Variants in TVP23C observed in about 807,000 individuals in gnomAD.
TVP23C encodes the protein trans-golgi network vesicle protein 23 homolog C, also known as Golgi apparatus membrane protein TVP23 homolog C.
In TVP23C, 19 loss-of-function variants were observed where a neutral mutation model predicts 28.7. The observed-to-expected ratio is 0.66, with a 90% CI of 0.46 to 0.97. The LOEUF (loss-of-function observed/expected upper bound fraction) is 0.97, where lower values mean the gene tolerates loss of function less well. Among genes scored for constraint, TVP23C ranks in the 50% least tolerant of loss-of-function variants. The pLI, the probability that TVP23C is intolerant of heterozygous loss-of-function variation, is 0.00. For missense variants in TVP23C, 186 were observed against 241.3 expected (o/e 0.77, Z 1.52); for synonymous variants, 68 against 81.7 (o/e 0.83, Z 0.90).
At chr17:15,519,765 G>A (rs1597511215) in intron 5 of TVP23C, among the ~76,000 whole-genome samples, 1 of 152,118 alleles carries the variant, frequency 6.6e-6, no homozygotes, top group Admixed American at 6.5e-5. Context: ...AGCTGGGCGT[G>A]GTGGCAGGCA....
chr17:15,524,730 G>GT (rs1437788262), intron 5 of TVP23C, among the ~76,000 whole-genome samples: 1 of 151,958 alleles, frequency 6.6e-6, no homozygotes, highest in Non-Finnish European at 1.5e-5. Flanking sequence ...GTGGCTATAG[G>GT]TGCTCACAGA....
At chr17:15,528,260 G>A (rs1982808501) in intron 5 of TVP23C, among the ~76,000 whole-genome samples, 1 of 152,156 alleles carries the variant, frequency 6.6e-6, no homozygotes, top group African/African-American at 2.4e-5. Context: ...TATAAACACT[G>A]TTATATATGC....
At chr17:15,528,378 T>G (rs569039236) in intron 5 of TVP23C, among the ~76,000 whole-genome samples, 100 of 152,042 alleles carry the variant, frequency 6.6e-4, no homozygotes, top group African/African-American at 2.3e-3. Flanking sequence ...AGCAGTATGT[T>G]GTTTAATTTT....
chr17:15,517,895 G>A (rs1469036314), intron 5 of TVP23C, among the ~76,000 whole-genome samples: 1 of 152,258 alleles, frequency 6.6e-6, no homozygotes, highest in Admixed American at 6.5e-5. Context: ...AGCCAGATGC[G>A]GTGGCTCACA....
chr17:15,543,751 C>T (rs1983524133), intron 5 of TVP23C, among the ~76,000 whole-genome samples: 1 of 151,350 alleles, frequency 6.6e-6, no homozygotes, highest in Non-Finnish European at 1.5e-5. Context: ...TGTTTACTGT[C>T]CCCTAACTTG....
Position 15,555,264 on chromosome 17 carries a change from T to C in TVP23C, c.95+18A>G, listed in dbSNP as rs766429428. 2 of 1,614,004 alleles carry C rather than the reference T, an allele frequency of 1.2e-6. No individual in the cohort carries two copies. The highest frequency in any genetic ancestry group is 2.2e-5 in the South Asian group (2 of 91,078). Reference sequence around the variant, plus strand: ...CAACACTGGACACTAACACAGCTCATGCAACTTCTCCTCCTACCTGATTTT... The same window carrying C: ...CAACACTGGACACTAACACAGCTCACGCAACTTCTCCTCCTACCTGATTTT... On this transcript the variant is annotated intron_variant, in intron 2 of 5. Transcript: ENST00000518321.
rs986368060 is a variant in TVP23C, at chr17:15,555,219, G to C, written c.95+63C>G. The C allele has an allele frequency of 3.1e-6, 5 of 1,607,298 alleles. No individual in the cohort carries two copies. In the Admixed American group the frequency reaches 5.0e-5, roughly 16 times the overall value. On this transcript the variant is annotated intron_variant, in intron 2 of 5. Transcript: ENST00000518321. ...ACTCTGCCTTGACTCCCATCAGCTA[G>C]CACTGACATACATACAGAACAACAC...
chr17:15,527,840 G>T lies in TVP23C; in HGVS notation c.462+17945C>A, dbSNP rs940822505. Among the ~76,000 whole-genome samples, 3 of 152,302 alleles carry T rather than the reference G, an allele frequency of 2.0e-5. No individual in the cohort carries two copies. In the East Asian group the frequency reaches 5.8e-4, roughly 29 times the overall value. On this transcript the variant is annotated intron_variant, in intron 5 of 5. Coordinates refer to the TVP23C transcript ENST00000225576. ...ATGTCACGAGGATGAAACAATTCGT[G>T]GAAAGCACTTTTTGGAGAAAAAACA...
intron 5 of TVP23C, chr17:15,506,840 G>C: frequency 1.6e-6 from 1 of 622,214 alleles, no homozygotes; most frequent in Admixed American, 2.0e-5. Flanking sequence ...GTGAGACCAA[G>C]AACCCACTAG....
chr17:15,548,242 C>T (rs953157540), intron 3 of TVP23C, among the ~76,000 whole-genome samples: 4 of 152,202 alleles, frequency 2.6e-5, no homozygotes, highest in African/African-American at 9.7e-5. Context: ...TCTCAGCTCA[C>T]CACAACCTCT....
At position 15,560,191 on chromosome 17, in the gene TVP23C, G is replaced by A. The variant is rs1440764766; in HGVS notation, c.12+3246C>T. Among the ~76,000 whole-genome samples the A allele has an allele frequency of 6.7e-5, 10 of 149,324 alleles. 1 individual carries two copies. Among genetic ancestry groups the A allele is most frequent in the Admixed American group, 1.4e-4 (2 of 14,802 alleles). On this transcript the variant is annotated intron_variant, in intron 1 of 5. Coordinates refer to ENST00000518321, the MANE Select transcript of TVP23C (RefSeq NM_001135036.2). Reference sequence around the variant, plus strand: ...TCCCCTGCATCAGCCTCAGCCTCCCGAGTAGCTGAGACTACAGGCACATGC... The same window carrying A: ...TCCCCTGCATCAGCCTCAGCCTCCCAAGTAGCTGAGACTACAGGCACATGC...
intron 5 of TVP23C, among the ~76,000 whole-genome samples, chr17:15,544,776 G>A (rs1983570688): frequency 6.6e-6 from 1 of 151,952 alleles, no homozygotes; most frequent in African/African-American, 2.4e-5. Context: ...AAGACAATAA[G>A]CTTCCAATAA....
intron 3 of TVP23C, among the ~76,000 whole-genome samples, 190 bp from the exon 4 acceptor site, chr17:15,547,338 T>A (rs536073492): frequency 6.6e-6 from 1 of 152,284 alleles, no homozygotes; most frequent in African/African-American, 2.4e-5. Context: ...GCAGGACTAA[T>A]AGGGGTAGAG....
Position 15,509,902 on chromosome 17 carries a change from G to A in TVP23C, c.463-6670C>T, listed in dbSNP as rs1174499986. On this transcript the variant is annotated intron_variant, in intron 5 of 5. Transcript: ENST00000225576. ...AGGCAGACTGTAAGTTCCTTGAAGGGAGAAACTATTATATTTCAACAAACC... is the reference window on the plus strand; with the variant it reads ...AGGCAGACTGTAAGTTCCTTGAAGGAAGAAACTATTATATTTCAACAAACC... Among the ~76,000 whole-genome samples the A allele has an allele frequency of 2.0e-5, 3 of 152,172 alleles. No homozygotes were observed. The East Asian group carries it at 5.8e-4, about 29-fold the overall frequency.
At chr17:15,504,997 G>C (rs2150824823) in intron 5 of TVP23C, among the ~76,000 whole-genome samples, 1 of 152,250 alleles carries the variant, frequency 6.6e-6, no homozygotes, top group South Asian at 2.1e-4. Flanking sequence ...CTGTTTATTT[G>C]AGTCAGCATC....
At chr17:15,555,046 A>AAC in intron 2 of TVP23C, among the ~76,000 whole-genome samples, 1 of 152,250 alleles carries the variant, frequency 6.6e-6, no homozygotes, top group Non-Finnish European at 1.5e-5. Context: ...CAGAATTAAA[A>AAC]ACACAGGTGT....
chr17:15,542,782 C>T (rs1407321603), intron 5 of TVP23C, among the ~76,000 whole-genome samples: 1 of 152,102 alleles, frequency 6.6e-6, no homozygotes. Flanking sequence ...AGGTCTTAAC[C>T]CATTTATGCT....
chr17:15,554,366 T>G (rs1050640472), intron 2 of TVP23C, among the ~76,000 whole-genome samples: 5 of 151,290 alleles, frequency 3.3e-5, no homozygotes, highest in Admixed American at 1.3e-4. Context: ...GCCTCCCAAG[T>G]AGCTGGGACT....
intron 5 of TVP23C, among the ~76,000 whole-genome samples, chr17:15,515,484 C>T (rs1349898471): frequency 1.3e-5 from 2 of 152,178 alleles, no homozygotes; most frequent in Non-Finnish European, 2.9e-5. Context: ...AACATACAGG[C>T]CCAGTTGGGA....
Sources: allele counts gnomAD v4.1 joint callset (sites outside exome capture counted in the v4.1 genomes callset), GRCh38; gene constraint gnomAD v4.1.1; transcripts MANE v1.5; gene names NCBI Gene and HGNC (gene_info 2026-07-23, HGNC 2026-07-21).